Variants in NDUFB5 observed in about 807,000 individuals in gnomAD.
NDUFB5 encodes NADH dehydrogenase [ubiquinone] 1 beta subcomplex subunit 5, mitochondrial.
NDUFB5 carries 19 observed loss-of-function variants against 19.4 expected under a neutral mutation model. The observed-to-expected ratio is 0.98, with a 90% CI of 0.68 to 1.43. The LOEUF is 1.43. Among genes scored for constraint, NDUFB5 ranks in the 40% most tolerant of loss-of-function variants. NDUFB5 has a pLI of 0.00. For synonymous variants in NDUFB5, 80 were observed against 82.6 expected (o/e 0.97, Z 0.17); for missense variants, 233 against 236.5 (o/e 0.99, Z 0.10).
intron 2 of NDUFB5, chr3:179,615,570 A>C (rs763246943): frequency 4.3e-6 from 2 of 463,044 alleles, no homozygotes; most frequent in Non-Finnish European, 8.6e-6. Context: ...TATACGAACA[A>C]AGTAGAGGCT....
intron 1 of NDUFB5, among the ~76,000 whole-genome samples, chr3:179,611,329 TGAG>T (rs1719235181): frequency 6.6e-6 from 1 of 152,054 alleles, no homozygotes; most frequent in African/African-American, 2.4e-5. Context: ...GGAAGATGAT[TGAG>T]ATTTTTATCC....
intron 5 of NDUFB5, among the ~76,000 whole-genome samples, chr3:179,620,253 T>G (rs1156451741): frequency 6.6e-6 from 1 of 152,182 alleles, no homozygotes; most frequent in African/African-American, 2.4e-5. Context: ...TTTGGTGTTT[T>G]AGACATGAAG....
Position 179,604,870 on chromosome 3 carries a change from T to C in NDUFB5, c.55T>C (p.Ser19Pro). Residue 19 changes from serine (S) to proline (P), a missense_variant, in exon 1 of 6, where the codon TCT becomes CCT. Transcript: ENST00000259037. ...RVSVTAVAAL[S>P]GRPLGTRLGF... ...TTCGGTTACTGCGGTGGCAGCTCTG[T>C]CTGGCCGGCCCCTTGGCACTCGCCT... 6.3e-7 allele frequency: 1 copy of C among 1,598,458 alleles called. No homozygotes were observed. Among genetic ancestry groups the C allele is most frequent in the Non-Finnish European group, 8.5e-7 (1 of 1,176,094 alleles).
At chr3:179,621,314 G>A (rs1229392059) in intron 5 of NDUFB5, among the ~76,000 whole-genome samples, 3 of 152,032 alleles carry the variant, frequency 2.0e-5, no homozygotes, top group Non-Finnish European at 4.4e-5. Flanking sequence ...CTGGGTTCAA[G>A]CGATCCACCC....
At position 179,605,183 on chromosome 3, in the gene NDUFB5, C is replaced by A. The variant is rs78497319; in HGVS notation, c.124+244C>A. Among the ~76,000 whole-genome samples the A allele has an allele frequency of 5.0e-3, 759 of 152,210 alleles. 9 individuals are homozygous for A. The highest frequency in any genetic ancestry group is 0.018 in the African/African-American group (728 of 41,522). On this transcript the variant is annotated intron_variant, in intron 1 of 5. Transcript: ENST00000259037. ...CACCATCCCAATTAATGCTAATTTGCGGATGAAGCTGAGTCTAGAAAGGTA... is the reference window on the plus strand; with the variant it reads ...CACCATCCCAATTAATGCTAATTTGAGGATGAAGCTGAGTCTAGAAAGGTA...
intron 1 of NDUFB5, among the ~76,000 whole-genome samples, chr3:179,609,440 A>G (rs1397328241): frequency 6.6e-6 from 1 of 152,190 alleles, no homozygotes; most frequent in African/African-American, 2.4e-5. Flanking sequence ...TTATAGGGTC[A>G]TACTGAAGGG....
rs910093446 is a variant in NDUFB5, at chr3:179,625,381, A to G, written c.*1341A>G. ...AGAAATAATTTTTTGCTGCCTAAAC[A>G]CACAAGTGAATTGAAAAGCCACAGG... On this transcript the variant is annotated 3_prime_UTR_variant, in exon 6 of 6. Coordinates refer to ENST00000259037, the MANE Select transcript of NDUFB5 (RefSeq NM_002492.4). The G allele has an allele frequency of 6.6e-6, 1 of 152,156 alleles. No homozygotes were observed. The highest frequency in any genetic ancestry group is 1.5e-5 in the Non-Finnish European group (1 of 68,024). 9.4% of individuals were successfully genotyped at this position (152,156 alleles called of 1,614,324 possible). A position where few individuals can be genotyped will look rare whatever the true frequency, so the allele number is the denominator to read the frequency against.
chr3:179,615,938 A>T, intron 2 of NDUFB5, 45 bp from the exon 3 acceptor site: 1 of 1,350,666 alleles, frequency 7.4e-7, no homozygotes, highest in Non-Finnish European at 1.1e-6. Flanking sequence ...GTGTGTGGGG[A>T]GAGTTACGAA....
chr3:179,619,421 A>G (rs540411120), intron 5 of NDUFB5, among the ~76,000 whole-genome samples: 1 of 151,786 alleles, frequency 6.6e-6, no homozygotes, highest in Non-Finnish European at 1.5e-5. Context: ...TCATTGTTCA[A>G]TTCCCACCTA....
Position 179,618,411 on chromosome 3 carries a change from G to C in NDUFB5, c.343-4G>C. ...ACTAATATTAAACGAATTTTCTCTT[G>C]TAGCATCCCATATCAAGATGGATTG... On this transcript the variant is annotated splice_polypyrimidine_tract_variant and splice_region_variant and intron_variant, in intron 4 of 5. Coordinates refer to ENST00000259037, the MANE Select transcript of NDUFB5 (RefSeq NM_002492.4). 2 of 1,583,872 alleles carry C rather than the reference G, an allele frequency of 1.3e-6. No homozygotes were observed. Among genetic ancestry groups the C allele is most frequent in the Non-Finnish European group, 1.7e-6 (2 of 1,161,750 alleles).
intron 1 of NDUFB5, among the ~76,000 whole-genome samples, chr3:179,608,107 C>T (rs989889960): frequency 6.6e-6 from 1 of 151,996 alleles, no homozygotes; most frequent in African/African-American, 2.4e-5. Flanking sequence ...GTTCTCATAT[C>T]AAACTGAAGG....
At chr3:179,616,639 A>G (rs905844750) in intron 3 of NDUFB5, among the ~76,000 whole-genome samples, 1 of 152,296 alleles carries the variant, frequency 6.6e-6, no homozygotes, top group East Asian at 1.9e-4. Flanking sequence ...AAGTACTTCT[A>G]ACACCTTGAA....
At chr3:179,606,193 G>A (rs138962907) in intron 1 of NDUFB5, among the ~76,000 whole-genome samples, 2 of 152,260 alleles carry the variant, frequency 1.3e-5, no homozygotes, top group East Asian at 3.9e-4. Flanking sequence ...GATATTCAGT[G>A]TACTTTATTA....
At chr3:179,616,201 A>G (rs1294150259) in intron 3 of NDUFB5, 152 bp downstream of exon 3, 1 of 650,674 alleles carries the variant, frequency 1.5e-6, no homozygotes, top group Non-Finnish European at 2.6e-6. Context: ...AAATAACCAA[A>G]TCTCAATCTG....
Position 179,604,839 on chromosome 3 carries a change from G to T in NDUFB5, c.24G>T (p.Arg8=), listed in dbSNP as rs758096907. The change falls in exon 1 of 6, where the codon CGG becomes CGT. Residue 8 remains arginine, a synonymous_variant. Coordinates refer to ENST00000259037, the MANE Select transcript of NDUFB5 (RefSeq NM_002492.4). ...CCATGGCGGCCATGAGTTTGTTGCG[G>T]CGGGTTTCGGTTACTGCGGTGGCAG... The part of the protein sequence containing the change: MAAMSLL[R]RVSVTAVAAL... 1 of 1,606,226 alleles carries T rather than the reference G, an allele frequency of 6.2e-7. No homozygotes were observed. The highest frequency in any genetic ancestry group is 8.5e-7 in the Non-Finnish European group (1 of 1,178,088).
chr3:179,613,408 C>T lies in NDUFB5; in HGVS notation c.125-1563C>T, dbSNP rs1034918676. 4.6e-5 allele frequency among the ~76,000 whole-genome samples: 7 copies of T among 152,046 alleles called. No individual in the cohort carries two copies. The South Asian group carries it at 1.2e-3, about 27-fold the overall frequency. ...GTATCCTATTTCTTTCCCTTGTTACCCTTACAGATTTGTAATTACTTGTGT... is the reference window on the plus strand; with the variant it reads ...GTATCCTATTTCTTTCCCTTGTTACTCTTACAGATTTGTAATTACTTGTGT... On this transcript the variant is annotated intron_variant, in intron 1 of 5. Transcript: ENST00000259037.
chr3:179,607,724 T>C lies in NDUFB5; in HGVS notation c.124+2785T>C, dbSNP rs759288873. The C allele has an allele frequency of 6.7e-5, 47 of 701,146 alleles. No individual in the cohort carries two copies. The African/African-American group carries it at 7.3e-4, about 11-fold the overall frequency. The allele number at this position is 701,146 out of a possible 1,614,324, so 43.4% of individuals were successfully genotyped here. On this transcript the variant is annotated intron_variant, in intron 1 of 5. Transcript: ENST00000259037. ...TGGTAAAACTAAAACTCTGTATCCG[T>C]TAAACAATAACTCTCCATTCCCCTT...
Position 179,626,001 on chromosome 3 carries a change from A to G in NDUFB5, c.*1961A>G, listed in dbSNP as rs964138665. ...AATTCTATGTGTAGTTTCTTGAGGA[A>G]CCTTCATGGTGTTCTTCATAGTGGT... is the stretch of plus-strand genomic sequence containing the variant. On this transcript the variant is annotated 3_prime_UTR_variant, in exon 6 of 6. Coordinates refer to ENST00000259037, the MANE Select transcript of NDUFB5 (RefSeq NM_002492.4). 1 of 152,148 alleles carries G rather than the reference A, an allele frequency of 6.6e-6. No individual in the cohort carries two copies. Among genetic ancestry groups the G allele is most frequent in the African/African-American group, 2.4e-5 (1 of 41,442 alleles). 9.4% of individuals were successfully genotyped at this position (152,148 alleles called of 1,614,324 possible).
At chr3:179,613,042 T>C (rs1719288601) in intron 1 of NDUFB5, among the ~76,000 whole-genome samples, 1 of 152,140 alleles carries the variant, frequency 6.6e-6, no homozygotes, top group Admixed American at 6.6e-5. Context: ...ACTTACCTTA[T>C]TATGTTGAAT....
Sources: gnomAD v4.1 joint callset for allele counts (sites outside exome capture counted in the v4.1 genomes callset) on GRCh38, gnomAD v4.1.1 for gene constraint, MANE v1.5 for transcripts, NCBI Gene and HGNC (gene_info 2026-07-23, HGNC 2026-07-21) for gene names.